The following PDPR variants were observed in gnomAD, a reference collection of about 807,000 sequenced individuals.
PDPR encodes the protein pyruvate dehydrogenase phosphatase regulatory subunit, mitochondrial.
A neutral mutation model predicts 102.2 loss-of-function variants in PDPR; 50 were observed. The observed-to-expected ratio is 0.49, with a 90% confidence interval of 0.39 to 0.62. The LOEUF (loss-of-function observed/expected upper bound fraction) is 0.62. Among genes scored for constraint, PDPR ranks in the 20% least tolerant of loss-of-function variants. The probability of loss-of-function intolerance (pLI) is 0.00; values close to 1 mark genes in which losing one functional copy is unlikely to be tolerated. For synonymous variants in PDPR, 259 were observed against 406.0 expected (o/e 0.64, Z 4.35); for missense variants, 625 against 1,098.2 (o/e 0.57, Z 6.09).
chr16:70,131,799 CT>C, intron 8 of PDPR: 1 of 1,368,506 alleles, frequency 7.3e-7, no homozygotes, highest in Non-Finnish European at 9.5e-7. Context: ...TTCTCACATC[CT>C]TTTGACGGTC....
At chr16:70,122,085 C>T (rs1398695967) in intron 3 of PDPR, among the ~76,000 whole-genome samples, 2 of 152,256 alleles carry the variant, frequency 1.3e-5, no homozygotes, top group Non-Finnish European at 2.9e-5. Context: ...CTCCTGGGTT[C>T]AAGCAATTCT....
downstream of PDPR, among the ~76,000 whole-genome samples, chr16:70,163,109 C>G (rs1204748866): frequency 1.3e-5 from 2 of 152,248 alleles, no homozygotes; most frequent in Admixed American, 1.3e-4. Flanking sequence ...CCACCATGCC[C>G]AGCTAATTTT....
In PDPR at chr16:70,148,572, C is replaced by G. The variant is rs1238788469; in HGVS notation, c.2052+19C>G. On this transcript the variant is annotated intron_variant, in intron 17 of 18. Coordinates refer to ENST00000288050, the MANE Select transcript of PDPR (RefSeq NM_017990.5). ...CATAGAGGTGAGAGGGCACCCTTCC[C>G]TTCCCTTCCCTTCACTTCCCTTCCC... 6.3e-7 allele frequency: 1 copy of G among 1,579,486 alleles called. No homozygotes were observed. The highest frequency in any genetic ancestry group is 8.7e-7 in the Non-Finnish European group (1 of 1,152,994).
intron 17 of PDPR, among the ~76,000 whole-genome samples, chr16:70,150,101 T>C (rs1163870772): frequency 6.5e-5 from 9 of 138,194 alleles, no homozygotes; most frequent in African/African-American, 2.2e-4. Context: ...CTTTTTTTTT[T>C]TTTTTTCTTT....
chr16:70,150,013 A>C (rs950338589), intron 17 of PDPR, among the ~76,000 whole-genome samples: 1 of 151,244 alleles, frequency 6.6e-6, no homozygotes, highest in Admixed American at 6.6e-5. Flanking sequence ...AATGGTCTCG[A>C]TCTCCTACCT....
At chr16:70,148,784 A>G (rs1966460384) in intron 17 of PDPR, among the ~76,000 whole-genome samples, 1 of 152,274 alleles carries the variant, frequency 6.6e-6, no homozygotes, top group South Asian at 2.1e-4. Flanking sequence ...GATACATTTA[A>G]AAAGTATTTG....
In PDPR at chr16:70,158,684, AGAG is replaced by A. The variant is rs1242870879; in HGVS notation, c.*1812_*1814del. The stretch of plus-strand genomic sequence containing the variant: ...GCCGAGAGATGCTGCCTCTAGGCAG[AGAG>A]GAGGAGAGGTGTTGCCGGCTGGAGG... On this transcript the variant is annotated 3_prime_UTR_variant, in exon 19 of 19. Coordinates refer to ENST00000288050, the MANE Select transcript of PDPR (RefSeq NM_017990.5). 2 of 153,014 alleles carry A rather than the reference AGAG, an allele frequency of 1.3e-5. No individual in the cohort carries two copies. The highest frequency in any genetic ancestry group is 2.4e-5 in the African/African-American group (1 of 41,486). 9.5% of individuals were successfully genotyped at this position (153,014 alleles called of 1,614,324 possible). A position where few individuals can be genotyped will look rare whatever the true frequency, so the allele number is the denominator to read the frequency against.
intron 2 of PDPR, among the ~76,000 whole-genome samples, chr16:70,119,228 A>G (rs770281568): frequency 2.6e-5 from 4 of 152,106 alleles, no homozygotes; most frequent in Non-Finnish European, 1.5e-5. Context: ...TGGGAGACCA[A>G]GGTGGGAGGA....
chr16:70,121,042 G>A (rs1379967240), intron 3 of PDPR, among the ~76,000 whole-genome samples: 4 of 144,062 alleles, frequency 2.8e-5, no homozygotes, highest in African/African-American at 7.7e-5. Flanking sequence ...CTCCCACCTT[G>A]GCCTCCCAAA....
intron 17 of PDPR, among the ~76,000 whole-genome samples, chr16:70,151,281 G>T (rs1966720159): frequency 6.6e-6 from 1 of 152,218 alleles, no homozygotes; most frequent in Admixed American, 6.5e-5. Context: ...TGTTGCCCAG[G>T]CTGGACTCTA....
At chr16:70,154,303 G>A (rs1031101397) in intron 18 of PDPR, among the ~76,000 whole-genome samples, 1 of 152,264 alleles carries the variant, frequency 6.6e-6, no homozygotes, top group Admixed American at 6.5e-5. Flanking sequence ...ACTCCAGCCT[G>A]TGTGACAGGG....
intron 11 of PDPR, among the ~76,000 whole-genome samples, chr16:70,139,701 T>C (rs1355668255): frequency 3.9e-5 from 6 of 152,344 alleles, no homozygotes; most frequent in South Asian, 2.1e-4. Context: ...AGAAAGCTTT[T>C]GTATCAGGAA....
chr16:70,121,030 TCCTCCCACCTTGG>T (rs1448081078), intron 3 of PDPR, among the ~76,000 whole-genome samples: 28 of 147,128 alleles, frequency 1.9e-4, no homozygotes, highest in African/African-American at 5.5e-4. Flanking sequence ...CCTCAAGCAG[TCCTCCCACCTTGG>T]CCTCCCAAAG....
At chr16:70,150,196 C>T (rs1312819901) in intron 17 of PDPR, among the ~76,000 whole-genome samples, 4 of 151,326 alleles carry the variant, frequency 2.6e-5, no homozygotes, top group Non-Finnish European at 4.4e-5. Context: ...CTCTGCCTCC[C>T]GGGTTCAAGT....
rs1967527177 is a variant in PDPR at position 70,159,153 on chromosome 16, C to T, written c.*2274C>T. 6.6e-6 allele frequency: 1 copy of T among 152,358 alleles called. No individual in the cohort carries two copies. Among genetic ancestry groups the T allele is most frequent in the Non-Finnish European group, 1.5e-5 (1 of 68,082 alleles). 9.4% of individuals were successfully genotyped at this position (152,358 alleles called of 1,614,324 possible). A position where few individuals can be genotyped will look rare whatever the true frequency, so the allele number is the denominator to read the frequency against. On this transcript the variant is annotated 3_prime_UTR_variant, in exon 19 of 19. Coordinates refer to ENST00000288050, the MANE Select transcript of PDPR (RefSeq NM_017990.5). Reference sequence around the variant, plus strand: ...AGAGTTTTAAGACTTGGATTCTCTTCTGCCCTTGTTAATCTCCAACTAATT... The same window carrying T: ...AGAGTTTTAAGACTTGGATTCTCTTTTGCCCTTGTTAATCTCCAACTAATT...
intron 18 of PDPR, among the ~76,000 whole-genome samples, chr16:70,155,338 G>A (rs889211827): frequency 6.6e-6 from 1 of 152,242 alleles, no homozygotes; most frequent in Non-Finnish European, 1.5e-5. Flanking sequence ...CTGGAGTGCA[G>A]TGGCGCGATC....
At chr16:70,129,868 G>A (rs558699443) in intron 6 of PDPR, among the ~76,000 whole-genome samples, 17 of 152,388 alleles carry the variant, frequency 1.1e-4, no homozygotes, top group Non-Finnish European at 2.2e-4. Context: ...CTGCTCCATA[G>A]TTTATGATTC....
At chr16:70,124,917 A>T (rs1048187051) in intron 3 of PDPR, among the ~76,000 whole-genome samples, 3 of 152,276 alleles carry the variant, frequency 2.0e-5, no homozygotes, top group African/African-American at 7.2e-5. Flanking sequence ...AGAACCCCCC[A>T]CCTGCTTTCT....
intron 11 of PDPR, among the ~76,000 whole-genome samples, chr16:70,141,448 G>T (rs2549120): frequency 2.6e-5 from 4 of 152,262 alleles, no homozygotes; most frequent in Non-Finnish European, 5.9e-5. Flanking sequence ...TAATCAAGCT[G>T]CAATATGTAC....
Sources: allele counts gnomAD v4.1 joint callset (sites outside exome capture counted in the v4.1 genomes callset), GRCh38; gene constraint gnomAD v4.1.1; transcripts MANE v1.5; gene names NCBI Gene and HGNC (gene_info 2026-07-23, HGNC 2026-07-21).